Variants in PAK3 observed in about 807,000 individuals in gnomAD.
The protein encoded by PAK3 is serine/threonine-protein kinase PAK 3.
In PAK3, 4 loss-of-function variants were observed where a neutral mutation model predicts 41.0. The ratio of observed to expected loss-of-function variants is 0.10; its 90% confidence interval spans 0.05 to 0.22. The LOEUF is 0.22. Among genes scored for constraint, PAK3 ranks in the 10% least tolerant of loss-of-function variants. PAK3 has a pLI of 1.00. For missense variants in PAK3, 205 were observed against 409.9 expected (o/e 0.50, Z 4.32); for synonymous variants, 146 against 139.6 (o/e 1.05, Z -0.32).
intron 16 of PAK3, among the ~76,000 whole-genome samples, chrX:111,199,705 A>G (rs960684800): frequency 1.8e-5 from 2 of 111,913 alleles, no homozygotes; most frequent in Admixed American, 1.9e-4. Context: ...TAGATTGTCA[A>G]GTAGAAAATG....
intron 1 of PAK3, among the ~76,000 whole-genome samples, chrX:111,006,849 C>CTTTCTTTTT (rs1556434441): frequency 7.0e-5 from 3 of 42,724 alleles, no homozygotes; most frequent in Non-Finnish European, 8.7e-5. Context: ...TTCTTTCTTT[C>CTTTCTTTTT]TTTTTTTTTT....
intron 16 of PAK3, among the ~76,000 whole-genome samples, chrX:111,197,790 A>T (rs1278243938): frequency 9.0e-6 from 1 of 110,876 alleles, no homozygotes; most frequent in African/African-American, 3.3e-5. Context: ...TCTGCCCACT[A>T]GGTTCAAGTG....
At chrX:111,140,927 T>C in intron 5 of PAK3, among the ~76,000 whole-genome samples, 1 of 111,919 alleles carries the variant, frequency 8.9e-6, no homozygotes, top group Non-Finnish European at 1.9e-5. Flanking sequence ...CAATAATCCA[T>C]ATACGGTTGA....
intron 1 of PAK3, among the ~76,000 whole-genome samples, chrX:111,036,099 C>T (rs2148760781): frequency 8.9e-6 from 1 of 112,089 alleles, no homozygotes; most frequent in East Asian, 2.8e-4. Context: ...GCAGCCATTT[C>T]CTGAAAATGT....
chrX:111,097,700 A>T lies in PAK3; in HGVS notation c.-176+16A>T, dbSNP rs1032219512. 3 of 111,012 alleles carry T rather than the reference A, an allele frequency of 2.7e-5. No individual in the cohort carries two copies. The highest frequency in any genetic ancestry group is 9.9e-5 in the African/African-American group (3 of 30,379). 9.1% of individuals were successfully genotyped at this position (111,012 alleles called of 1,213,427 possible). On this transcript the variant is annotated intron_variant, in intron 3 of 17. Transcript: ENST00000372007. ...AGGTGTAAAGGTCAGTGCGGTTTTC[A>T]CTGGGCCATTTGCAAAATTATAATT...
chrX:111,207,432 A>G (rs957684978), intron 16 of PAK3, among the ~76,000 whole-genome samples: 3 of 111,480 alleles, frequency 2.7e-5, no homozygotes, highest in Admixed American at 9.6e-5. Context: ...GCTGCATAAC[A>G]ATGTTTTGGT....
At chrX:110,972,956 G>C (rs917874235) in intron 1 of PAK3, among the ~76,000 whole-genome samples, 6 of 111,607 alleles carry the variant, frequency 5.4e-5, no homozygotes, top group African/African-American at 2.0e-4. Flanking sequence ...GTGGAAGAAA[G>C]GGTATCAGTG....
chrX:111,122,605 C>T (rs761753462), intron 4 of PAK3, among the ~76,000 whole-genome samples: 16 of 111,429 alleles, frequency 1.4e-4, no homozygotes, highest in Non-Finnish European at 2.4e-4. Flanking sequence ...AAGAAATAAA[C>T]ACCAAGGACA....
At chrX:111,121,239 T>A (rs947162205) in intron 4 of PAK3, among the ~76,000 whole-genome samples, 2 of 111,624 alleles carry the variant, frequency 1.8e-5, no homozygotes, top group Non-Finnish European at 1.9e-5. Context: ...ATTTTCACTA[T>A]CATTATTACT....
chrX:111,189,547 T>C (rs1302529169), intron 11 of PAK3, among the ~76,000 whole-genome samples: 1 of 111,770 alleles, frequency 8.9e-6, no homozygotes, highest in Non-Finnish European at 1.9e-5. Flanking sequence ...TCCAGCAGGG[T>C]ATAAGTGTTC....
intron 4 of PAK3, among the ~76,000 whole-genome samples, chrX:111,115,028 G>T (rs2093438103): frequency 8.9e-6 from 1 of 112,050 alleles, no homozygotes. Context: ...TCAGCTTGGG[G>T]GCTTCCCAGG....
chrX:111,124,701 A>C (rs904428161), intron 5 of PAK3, among the ~76,000 whole-genome samples: 7 of 111,689 alleles, frequency 6.3e-5, no homozygotes, highest in Admixed American at 4.8e-4. Context: ...AGGTGACCTC[A>C]TAATGAAACC....
At chrX:111,176,219 T>G (rs2094402185) in intron 11 of PAK3, among the ~76,000 whole-genome samples, 2 of 111,002 alleles carry the variant, frequency 1.8e-5, no homozygotes, top group African/African-American at 6.6e-5. Context: ...TCAATAAATA[T>G]TTGTTGAGCT....
chrX:111,183,380 C>G (rs1161797443), intron 11 of PAK3, among the ~76,000 whole-genome samples: 1 of 111,339 alleles, frequency 9.0e-6, no homozygotes, highest in Non-Finnish European at 1.9e-5. Flanking sequence ...GGGGTTTAAT[C>G]CTTGACTATG....
intron 16 of PAK3, among the ~76,000 whole-genome samples, chrX:111,201,748 C>T (rs779246815): frequency 3.0e-5 from 3 of 101,141 alleles, no homozygotes; most frequent in African/African-American, 1.4e-4. Context: ...CTATGTCTAT[C>T]TTACAGAGTT....
At chrX:111,160,070 G>A (rs928020482) in intron 8 of PAK3, among the ~76,000 whole-genome samples, 1 of 111,531 alleles carries the variant, frequency 9.0e-6, no homozygotes, top group Non-Finnish European at 1.9e-5. Flanking sequence ...TGCCTCAGGA[G>A]CTTTGTCCTC....
At chrX:111,143,712 T>TAAC (rs1295733996) in intron 6 of PAK3, among the ~76,000 whole-genome samples, 2 of 111,601 alleles carry the variant, frequency 1.8e-5, no homozygotes, top group Non-Finnish European at 3.8e-5. Flanking sequence ...AAAAAGATTG[T>TAAC]AACTATTTTT....
At chrX:110,986,756 C>CGT (rs758904251) in intron 1 of PAK3, among the ~76,000 whole-genome samples, 29,591 of 104,109 alleles carry the variant, frequency 0.28, 3,460 homozygotes, top group Middle Eastern at 0.38. Context: ...CAAGTGTACG[C>CGT]GTGTGTGTGT....
chrX:111,032,774 G>T (rs1232404925), intron 1 of PAK3, among the ~76,000 whole-genome samples: 4 of 110,710 alleles, frequency 3.6e-5, no homozygotes, highest in East Asian at 5.8e-4. Flanking sequence ...TCAAGGAAAT[G>T]AGGTAGTTTG....
Sources: allele counts gnomAD v4.1 joint callset (sites outside exome capture counted in the v4.1 genomes callset), GRCh38; gene constraint gnomAD v4.1.1; transcripts MANE v1.5; gene names NCBI Gene and HGNC (gene_info 2026-07-23, HGNC 2026-07-21).